Variants in U2SURP observed in about 807,000 individuals in gnomAD.
The protein encoded by U2SURP is U2 snRNP-associated SURP motif-containing protein.
U2SURP carries 9 observed loss-of-function variants against 144.9 expected under a neutral mutation model. The ratio of observed to expected loss-of-function variants is 0.06; its 90% CI spans 0.04 to 0.11. The LOEUF (loss-of-function observed/expected upper bound fraction) is 0.11, where lower values mean the gene tolerates loss of function less well. Ranked by LOEUF, U2SURP falls within the 10% of genes least tolerant of loss-of-function variation. U2SURP has a pLI of 1.00. For synonymous variants in U2SURP, 408 were observed against 396.8 expected (o/e 1.03, Z -0.33); for missense variants, 724 against 1,226.7 (o/e 0.59, Z 6.12).
At chr3:143,048,220 A>G (rs995163701) in intron 24 of U2SURP, among the ~76,000 whole-genome samples, 1 of 152,298 alleles carries the variant, frequency 6.6e-6, no homozygotes, top group East Asian at 1.9e-4. Flanking sequence ...ACCCTTGATC[A>G]TCTGTTTTCT....
chr3:143,046,892 C>T lies in U2SURP; in HGVS notation c.2544+3616C>T, dbSNP rs1384123697. Among the ~76,000 whole-genome samples the T allele has an allele frequency of 1.7e-4, 22 of 127,370 alleles. 1 individual carries two copies. The highest frequency in any genetic ancestry group is 8.0e-4 in the Admixed American group (11 of 13,690). 83.6% of individuals were successfully genotyped at this position (127,370 alleles called of 152,430 possible). A position where few individuals can be genotyped will look rare whatever the true frequency, so the allele number is the denominator to read the frequency against. On this transcript the variant is annotated intron_variant, in intron 24 of 27. Transcript: ENST00000473835. ...GGGGCTCCTCACTTCCCAGTAGGGG[C>T]GGCCGGGCAGAGGCGCCGCTCACCT...
chr3:143,020,061 A>G, intron 7 of U2SURP, 25 bp downstream of exon 7: 5 of 1,404,084 alleles, frequency 3.6e-6, no homozygotes, highest in Non-Finnish European at 4.8e-6. Flanking sequence ...GTGGAGAATA[A>G]CTATCATAGG....
At chr3:143,004,069 A>G (rs11915462) in intron 1 of U2SURP, among the ~76,000 whole-genome samples, 105,604 of 152,056 alleles carry the variant, frequency 0.69, 37,136 homozygotes, top group African/African-American at 0.82. Flanking sequence ...TACAGTATTT[A>G]GAATTTCTAG....
In U2SURP at chr3:143,048,068, AAG is replaced by A. The variant is rs1241154258; in HGVS notation, c.2545-2863_2545-2862del. ...AGTGGAGGGTCTTCTGTCTTGTTGG[AAG>A]AGAGAGATCACTTTCTGTCCTGGTC... On this transcript the variant is annotated intron_variant, in intron 24 of 27. Transcript: ENST00000473835. Among the ~76,000 whole-genome samples the A allele has an allele frequency of 3.3e-5, 5 of 152,286 alleles. No homozygotes were observed. The East Asian group carries it at 9.7e-4, about 29-fold the overall frequency.
At chr3:143,034,397 C>T (rs1305077023) in intron 18 of U2SURP, 1 of 144,094 alleles carries the variant, frequency 6.9e-6, no homozygotes, top group African/African-American at 2.9e-5. Context: ...AGCAAAACTC[C>T]ATCTCAAAAA....
At chr3:143,052,094 A>G (rs1257818062) in intron 25 of U2SURP, among the ~76,000 whole-genome samples, 1 of 152,146 alleles carries the variant, frequency 6.6e-6, no homozygotes, top group African/African-American at 2.4e-5. Flanking sequence ...TTTGTAAAAG[A>G]TGCTACTTAT....
In U2SURP at chr3:143,022,486, C is replaced by CT. The variant is rs758963107; in HGVS notation, c.853-6dup. 6.6e-7 allele frequency: 1 copy of CT among 1,518,944 alleles called. No individual in the cohort carries two copies. The highest frequency in any genetic ancestry group is 8.8e-7 in the Non-Finnish European group (1 of 1,131,896). 94.1% of individuals were successfully genotyped at this position (1,518,944 alleles called of 1,614,324 possible). A position where few individuals can be genotyped will look rare whatever the true frequency, so the allele number is the denominator to read the frequency against. ...TTTTGCATAATAAAAATCTTTTACC[C>CT]TTTTTAATAGATGAATGAAGAAATG... On this transcript the variant is annotated splice_polypyrimidine_tract_variant and intron_variant, in intron 10 of 27. Coordinates refer to ENST00000473835, the MANE Select transcript of U2SURP (RefSeq NM_001080415.2).
intron 23 of U2SURP, 42 bp from the exon 24 acceptor site, chr3:143,043,075 C>T (rs150108880): frequency 1.7e-5 from 26 of 1,542,036 alleles, no homozygotes; most frequent in Middle Eastern, 2.4e-4. Flanking sequence ...ATGGTACTCT[C>T]TTGCTGCCTT....
chr3:143,052,212 T>G (rs2108318780), intron 25 of U2SURP, among the ~76,000 whole-genome samples: 1 of 152,244 alleles, frequency 6.6e-6, no homozygotes, highest in East Asian at 1.9e-4. Context: ...CTGACCAGCA[T>G]GGATAAACCC....
At chr3:143,010,983 C>CT (rs1191136456) in intron 2 of U2SURP, 124 bp downstream of exon 2, 46 of 652,350 alleles carry the variant, frequency 7.1e-5, no homozygotes, top group East Asian at 3.9e-4. Context: ...TTCTTTTACT[C>CT]TTTTTTTTCT....
intron 11 of U2SURP, 82 bp downstream of exon 11, chr3:143,022,744 TGGACC>T (rs960851736): frequency 2.0e-6 from 3 of 1,485,216 alleles, no homozygotes; most frequent in African/African-American, 2.8e-5. Flanking sequence ...TAGGAAGGAT[TGGACC>T]TGAAATGGAG....
chr3:143,014,608 T>C (rs1008505549), intron 4 of U2SURP, among the ~76,000 whole-genome samples, 199 bp downstream of exon 4: 1 of 152,070 alleles, frequency 6.6e-6, no homozygotes, highest in Non-Finnish European at 1.5e-5. Context: ...GTTTCTTTTT[T>C]CTTTGTTATA....
rs1052467309 is a variant in U2SURP, at chr3:143,060,240, G to C, written c.*3790G>C. 1 of 152,382 alleles carries C rather than the reference G, an allele frequency of 6.6e-6. No individual in the cohort carries two copies. Among genetic ancestry groups the C allele is most frequent in the Non-Finnish European group, 1.5e-5 (1 of 67,874 alleles). The allele number at this position is 152,382 out of a possible 1,614,324, so 9.4% of individuals were successfully genotyped here. ...TATTCTTTTACTTCAACGGGTTCTT[G>C]TCTGTTACATCTCTGGTGATTTGAA... On this transcript the variant is annotated 3_prime_UTR_variant, in exon 28 of 28. Coordinates refer to ENST00000473835, the MANE Select transcript of U2SURP (RefSeq NM_001080415.2).
intron 4 of U2SURP, among the ~76,000 whole-genome samples, chr3:143,014,816 G>T (rs915200526): frequency 1.1e-4 from 17 of 152,048 alleles, no homozygotes; most frequent in African/African-American, 4.1e-4. Context: ...ATTTGCTATG[G>T]CTGTGTAGAT....
At chr3:143,040,127 T>C (rs919545630) in intron 23 of U2SURP, among the ~76,000 whole-genome samples, 15 of 151,800 alleles carry the variant, frequency 9.9e-5, no homozygotes, top group African/African-American at 3.4e-4. Context: ...AAAATAATTA[T>C]TTAATTTAGG....
chr3:143,013,849 T>C (rs6805721), intron 3 of U2SURP, among the ~76,000 whole-genome samples: 5,544 of 152,122 alleles, frequency 0.036, 289 homozygotes, highest in African/African-American at 0.11. Context: ...GTTTACCAAA[T>C]TATAAAAAAT....
At position 143,004,445 on chromosome 3, in the gene U2SURP, C is replaced by T. The variant is rs1456512102; in HGVS notation, c.45+2772C>T. 2.8e-5 allele frequency among the ~76,000 whole-genome samples: 4 copies of T among 143,772 alleles called. No homozygotes were observed. In the Admixed American group the frequency reaches 2.9e-4, roughly 10 times the overall value. 94.3% of individuals were successfully genotyped at this position (143,772 alleles called of 152,430 possible). A position where few individuals can be genotyped will look rare whatever the true frequency, so the allele number is the denominator to read the frequency against. Reference sequence around the variant, plus strand: ...GTGGTGCAATCTCAGCTCACTGCAACCTCTGCCTCCTGGGTTCAAGCAATT... The same window carrying T: ...GTGGTGCAATCTCAGCTCACTGCAATCTCTGCCTCCTGGGTTCAAGCAATT... On this transcript the variant is annotated intron_variant, in intron 1 of 27. Coordinates refer to ENST00000473835, the MANE Select transcript of U2SURP (RefSeq NM_001080415.2).
At chr3:143,025,679 A>G (rs1266457669) in intron 13 of U2SURP, 1 of 152,194 alleles carries the variant, frequency 6.6e-6, no homozygotes, top group Non-Finnish European at 1.5e-5. Context: ...TAGAAAATTA[A>G]GCAATGTTTT....
rs537488101 is a variant in U2SURP at position 143,009,985 on chromosome 3, C to T, written c.46-830C>T. ...AATAAAAACAAGTAAAATTTCACTA[C>T]CGTATACCCTCAAAAATAAAAACAG... On this transcript the variant is annotated intron_variant, in intron 1 of 27. Coordinates refer to ENST00000473835, the MANE Select transcript of U2SURP (RefSeq NM_001080415.2). Among the ~76,000 whole-genome samples the T allele has an allele frequency of 3.3e-5, 5 of 152,280 alleles. No homozygotes were observed. In the East Asian group the frequency reaches 5.8e-4, roughly 18 times the overall value.
Sources: allele counts gnomAD v4.1 joint callset (sites outside exome capture counted in the v4.1 genomes callset), GRCh38; gene constraint gnomAD v4.1.1; transcripts MANE v1.5; gene names NCBI Gene and HGNC (gene_info 2026-07-23, HGNC 2026-07-21).